Variants in ZFAND3 observed in about 807,000 individuals in gnomAD.
ZFAND3 encodes AN1-type zinc finger protein 3.
Under a neutral mutation model 29.6 loss-of-function variants are expected in ZFAND3, and 10 were observed. That is an observed-to-expected ratio of 0.34 (90% CI 0.21 to 0.57). The LOEUF (loss-of-function observed/expected upper bound fraction) is 0.57. Among genes scored for constraint, ZFAND3 ranks in the 20% least tolerant of loss-of-function variants. ZFAND3 has a pLI of 0.86. For synonymous variants in ZFAND3, 128 were observed against 112.6 expected, an observed-to-expected ratio of 1.14 and a Z score of -0.87; for missense variants, 230 against 304.5, an observed-to-expected ratio of 0.76 and a Z score of 1.82.
chr6:38,080,257 TA>T (rs917586056), intron 3 of ZFAND3, among the ~76,000 whole-genome samples: 6 of 151,954 alleles, frequency 3.9e-5, no homozygotes, highest in African/African-American at 1.4e-4. Flanking sequence ...TATACCTATG[TA>T]ACAAACCTGC....
At chr6:37,956,125 G>T (rs1260945767) in intron 2 of ZFAND3, among the ~76,000 whole-genome samples, 1 of 152,186 alleles carries the variant, frequency 6.6e-6, no homozygotes, top group Non-Finnish European at 1.5e-5. Flanking sequence ...GCCACGTTAA[G>T]ATGAGGTCCT....
rs543268032 is a variant in ZFAND3 at position 38,010,576 on chromosome 6, C to T, written c.113-51017C>T. 2.0e-5 allele frequency among the ~76,000 whole-genome samples: 3 copies of T among 149,768 alleles called. No homozygotes were observed. The East Asian group carries it at 5.8e-4, about 29-fold the overall frequency. ...ACATGGACCTGTTTTCTGTCACTAT[C>T]ATTTTGCTTTTACGCCCCCAACCTT... On this transcript the variant is annotated intron_variant, in intron 2 of 5. Transcript: ENST00000287218.
At chr6:37,833,943 G>A (rs1277669975) in intron 1 of ZFAND3, among the ~76,000 whole-genome samples, 1 of 151,654 alleles carries the variant, frequency 6.6e-6, no homozygotes. Context: ...TACACACACA[G>A]CCTCCCCTAC....
intron 2 of ZFAND3, among the ~76,000 whole-genome samples, chr6:38,008,682 C>T (rs1163952045): frequency 6.6e-6 from 1 of 152,078 alleles, no homozygotes; most frequent in Non-Finnish European, 1.5e-5. Context: ...CCTTTGTCCC[C>T]ACCCCATTGC....
chr6:38,090,933 C>T (rs7775465), intron 4 of ZFAND3, among the ~76,000 whole-genome samples: 145,073 of 152,314 alleles, frequency 0.95, 69,421 homozygotes, highest in East Asian at 1. Context: ...TTGCCACCTA[C>T]GTTTGTGTTA....
At chr6:38,112,715 G>T (rs1433722781) in intron 4 of ZFAND3, among the ~76,000 whole-genome samples, 1 of 152,034 alleles carries the variant, frequency 6.6e-6, no homozygotes, top group Non-Finnish European at 1.5e-5. Context: ...ACTTACAAAT[G>T]AATAGTTGAA....
chr6:37,914,662 C>CTTTTTTTCTCTT (rs1554157824), intron 1 of ZFAND3, among the ~76,000 whole-genome samples: 2 of 62,474 alleles, frequency 3.2e-5, no homozygotes, highest in Non-Finnish European at 7.2e-5. Flanking sequence ...TTCTTTCTTT[C>CTTTTTTTCTCTT]TTTTTTTTTC....
chr6:38,147,179 T>C (rs1429506183), intron 5 of ZFAND3, among the ~76,000 whole-genome samples: 1 of 152,208 alleles, frequency 6.6e-6, no homozygotes, highest in Non-Finnish European at 1.5e-5. Context: ...GTCTCTCTCT[T>C]TTCACTCTCT....
intron 2 of ZFAND3, among the ~76,000 whole-genome samples, chr6:37,940,620 G>A (rs991478222): frequency 5.3e-5 from 8 of 152,178 alleles, no homozygotes; most frequent in Non-Finnish European, 1.2e-4. Context: ...CATAGTACTG[G>A]CATCTGCTTC....
chr6:37,839,490 TTTTA>T (rs1386557949), intron 1 of ZFAND3, among the ~76,000 whole-genome samples: 6 of 147,610 alleles, frequency 4.1e-5, no homozygotes, highest in Admixed American at 3.4e-4. Context: ...CCAGTTATTT[TTTTA>T]TTTTTTATTT....
rs529087729 is a variant in ZFAND3 at position 38,107,911 on chromosome 6, A to G, written c.362-8661A>G. ...TCCAGGTGGTGGTACATTCCACAGGAAAATTAAGAAGGACTGTTAAAAAAA... is the reference window on the plus strand; with the variant it reads ...TCCAGGTGGTGGTACATTCCACAGGGAAATTAAGAAGGACTGTTAAAAAAA... On this transcript the variant is annotated intron_variant, in intron 4 of 5. Coordinates refer to ENST00000287218, the MANE Select transcript of ZFAND3 (RefSeq NM_021943.3). Among the ~76,000 whole-genome samples, 28 of 150,860 alleles carry G rather than the reference A, an allele frequency of 1.9e-4. No individual in the cohort carries two copies. The East Asian group carries it at 3.2e-3, about 17-fold the overall frequency.
In ZFAND3 at chr6:38,082,384, G is replaced by A. The variant is rs1219842829; in HGVS notation, c.296-8G>A. The A allele has an allele frequency of 2.5e-6, 4 of 1,610,466 alleles. No individual in the cohort carries two copies. Among genetic ancestry groups the A allele is most frequent in the Non-Finnish European group, 3.4e-6 (4 of 1,178,282 alleles). ...TCCTGACTGATGCACCTGCCTTTCT[G>A]TTTCTAGGTGGGCCATGCACAGACA... On this transcript the variant is annotated splice_region_variant and splice_polypyrimidine_tract_variant and intron_variant, in intron 3 of 5. Coordinates refer to ENST00000287218, the MANE Select transcript of ZFAND3 (RefSeq NM_021943.3).
At chr6:38,030,467 C>T (rs542945008) in intron 2 of ZFAND3, among the ~76,000 whole-genome samples, 1 of 152,162 alleles carries the variant, frequency 6.6e-6, no homozygotes, top group Admixed American at 6.5e-5. Context: ...TGGTAAAGCT[C>T]ACCATATGGG....
intron 1 of ZFAND3, among the ~76,000 whole-genome samples, chr6:37,841,379 A>AT (rs373840913): frequency 4.8e-4 from 73 of 152,134 alleles, no homozygotes; most frequent in Middle Eastern, 6.8e-3. Flanking sequence ...TATTAATCTT[A>AT]TTTTTTATTT....
At chr6:37,838,064 T>TACATTTG (rs1764002149) in intron 1 of ZFAND3, among the ~76,000 whole-genome samples, 1 of 152,186 alleles carries the variant, frequency 6.6e-6, no homozygotes, top group South Asian at 2.1e-4. Context: ...TGGGTGGTGC[T>TACATTTG]ACATTTGTAG....
At chr6:37,911,537 C>G (rs1333158386) in intron 1 of ZFAND3, among the ~76,000 whole-genome samples, 9 of 152,082 alleles carry the variant, frequency 5.9e-5, no homozygotes, top group Admixed American at 2.6e-4. Flanking sequence ...TTTGTATAAT[C>G]TTTCCAGATT....
At chr6:37,914,711 C>T (rs570715179) in intron 1 of ZFAND3, among the ~76,000 whole-genome samples, 1 of 128,810 alleles carries the variant, frequency 7.8e-6, no homozygotes, top group Admixed American at 8.6e-5. Flanking sequence ...CTGTGTTAGC[C>T]AGGATGGTCT....
chr6:38,090,396 G>A (rs915531033), intron 4 of ZFAND3, among the ~76,000 whole-genome samples: 12 of 152,166 alleles, frequency 7.9e-5, no homozygotes, highest in African/African-American at 2.9e-4. Context: ...CAGTAAATCT[G>A]TCATGGCAAG....
chr6:37,880,060 A>G (rs926361109), intron 1 of ZFAND3, among the ~76,000 whole-genome samples: 8 of 152,214 alleles, frequency 5.3e-5, no homozygotes, highest in African/African-American at 1.9e-4. Flanking sequence ...TCAATAAAGC[A>G]TTTACTAACA....
Sources: allele counts gnomAD v4.1 joint callset (sites outside exome capture counted in the v4.1 genomes callset), GRCh38; gene constraint gnomAD v4.1.1; transcripts MANE v1.5; gene names NCBI Gene and HGNC (gene_info 2026-07-23, HGNC 2026-07-21).